Variants in NLRP2 observed in about 807,000 individuals in gnomAD.
NLRP2 encodes the protein NLR family pyrin domain containing 2.
Under a neutral mutation model 97.2 loss-of-function variants are expected in NLRP2, and 107 were observed. That is an observed-to-expected ratio of 1.10 (90% CI 0.94 to 1.29). The LOEUF (loss-of-function observed/expected upper bound fraction) is 1.29. NLRP2 is among the 50% of genes most tolerant of loss of function. The pLI, the probability that NLRP2 is intolerant of heterozygous loss-of-function variation, is 0.00. For missense variants in NLRP2, 1,495 were observed against 1,330.3 expected (o/e 1.12, Z -1.93); for synonymous variants, 663 against 551.5 (o/e 1.20, Z -2.83).
chr19:54,980,063 C>G (rs1021700183), intron 4 of NLRP2, among the ~76,000 whole-genome samples: 2 of 152,144 alleles, frequency 1.3e-5, no homozygotes, highest in African/African-American at 4.8e-5. Context: ...GCGTGAGCCA[C>G]TGTGCCCAGC....
intron 12 of NLRP2, among the ~76,000 whole-genome samples, 167 bp downstream of exon 12, chr19:54,997,654 C>T (rs1314716066): frequency 6.6e-6 from 1 of 151,922 alleles, no homozygotes; most frequent in Non-Finnish European, 1.5e-5. Flanking sequence ...GGGGTTTCAC[C>T]ATGTTGGTCA....
chr19:54,969,980 C>G lies in NLRP2; in HGVS notation c.-17-19C>G. The G allele has an allele frequency of 6.2e-7, 1 of 1,611,778 alleles. No homozygotes were observed. The highest frequency in any genetic ancestry group is 8.5e-7 in the Non-Finnish European group (1 of 1,179,522). On this transcript the variant is annotated intron_variant, in intron 1 of 12. Coordinates refer to ENST00000448584, the MANE Select transcript of NLRP2 (RefSeq NM_017852.5). Reference sequence around the variant, plus strand: ...CTAATCACCATCCCTCTCCACTCCTCCCTTGATTGTCATCACAGCTCCCAC... The same window carrying G: ...CTAATCACCATCCCTCTCCACTCCTGCCTTGATTGTCATCACAGCTCCCAC...
intron 3 of NLRP2, among the ~76,000 whole-genome samples, chr19:54,975,101 G>GTTTTTTTTTTT (rs1190231820): frequency 9.6e-5 from 8 of 83,086 alleles, no homozygotes; most frequent in Admixed American, 1.6e-4. Context: ...ACCACACCCG[G>GTTTTTTTTTTT]TTTTGTTTTT....
At chr19:54,994,521 C>T in intron 11 of NLRP2, 82 bp downstream of exon 11, 1 of 1,441,668 alleles carries the variant, frequency 6.9e-7, no homozygotes. Context: ...GTGAAGCCGA[C>T]TTCCCAAGTT....
Position 55,000,824 on chromosome 19 carries a change from C to T in NLRP2, c.3115C>T (p.Pro1039Ser), listed in dbSNP as rs2073148415. The change falls in exon 13 of 13, where the codon CCA becomes TCA. Residue 1039 changes from proline to serine, a missense_variant. Physicochemically the swap from Pro to Ser is moderately conservative, Grantham distance 74 (BLOSUM62 -1). Transcript: ENST00000448584. ...GCTGGAAGAAATAGAAGAAAAAAACCCACAACTGATTATTGATACTGAGAA... is the reference window on the plus strand; with the variant it reads ...GCTGGAAGAAATAGAAGAAAAAAACTCACAACTGATTATTGATACTGAGAA... ...KLLEEIEEKN[P>S]QLIIDTEKHH... is the part of the protein sequence containing the mutation. 1.2e-6 allele frequency: 2 copies of T among 1,613,320 alleles called. No individual in the cohort carries two copies. Among genetic ancestry groups the T allele is most frequent in the African/African-American group, 2.7e-5 (2 of 74,870 alleles).
chr19:54,966,631 C>T (rs1172673487), intron 1 of NLRP2, among the ~76,000 whole-genome samples, 164 bp downstream of exon 1: 1 of 151,784 alleles, frequency 6.6e-6, no homozygotes, highest in East Asian at 2.0e-4. Flanking sequence ...CTGCAAGCTC[C>T]GCCTCCCGGG....
rs2071084562 is a variant in NLRP2, at chr19:54,974,674, C to CGGAGCTGGTCTCGCA, written c.325+133_325+147dup. ...GGACTTAGCATCCCTGCTCCCAGGG[C>CGGAGCTGGTCTCGCA]GGAGCTGGTCTCGCAGGTGCGTAGC... On this transcript the variant is annotated intron_variant, in intron 3 of 12. Coordinates refer to ENST00000448584, the MANE Select transcript of NLRP2 (RefSeq NM_017852.5). The CGGAGCTGGTCTCGCA allele has an allele frequency of 5.4e-6, 4 of 737,546 alleles. 1 individual carries two copies. Among genetic ancestry groups the CGGAGCTGGTCTCGCA allele is most frequent in the Middle Eastern group, 4.7e-4 (2 of 4,228 alleles). 45.7% of individuals were successfully genotyped at this position (737,546 alleles called of 1,614,324 possible).
chr19:54,981,704 A>C, intron 5 of NLRP2, 22 bp downstream of exon 5: 1 of 1,311,964 alleles, frequency 7.6e-7, no homozygotes, highest in South Asian at 1.2e-5. Flanking sequence ...ATCTTCCTGC[A>C]GGGAGCTTGG....
At chr19:54,996,367 A>G (rs1654505) in intron 11 of NLRP2, among the ~76,000 whole-genome samples, 122,625 of 151,866 alleles carry the variant, frequency 0.81, 49,709 homozygotes, top group East Asian at 0.9. Flanking sequence ...AAAATCAGGC[A>G]GGCATGGTGG....
intron 6 of NLRP2, among the ~76,000 whole-genome samples, chr19:54,984,483 A>ATTTTTTTTTTTTTTT (rs1568505832): frequency 6.5e-5 from 3 of 46,194 alleles, no homozygotes; most frequent in African/African-American, 5.8e-4. Flanking sequence ...TATATTCCCA[A>ATTTTTTTTTTTTTTT]TCTTTTTTTT....
chr19:54,996,935 TCTCA>T (rs2072858840), intron 11 of NLRP2, among the ~76,000 whole-genome samples: 2 of 151,864 alleles, frequency 1.3e-5, no homozygotes, highest in African/African-American at 4.8e-5. Flanking sequence ...GAGACCGGAG[TCTCA>T]CTCTGTCACC....
At chr19:54,986,359 G>T (rs2072087177) in intron 8 of NLRP2, 44 bp downstream of exon 8, 1 of 1,564,954 alleles carries the variant, frequency 6.4e-7, no homozygotes. Context: ...ACAAACATAA[G>T]CTACCACAAG....
intron 12 of NLRP2, among the ~76,000 whole-genome samples, chr19:54,997,743 C>T (rs573761819): frequency 2.2e-4 from 33 of 151,886 alleles, no homozygotes; most frequent in South Asian, 4.2e-4. Context: ...GCGTGAGCAA[C>T]CGCACCCGGC....
rs745654203 is a variant in NLRP2 at position 54,985,138 on chromosome 19, G to T, written c.2122G>T (p.Asp708Tyr). The T allele has an allele frequency of 6.2e-7, 1 of 1,614,128 alleles. No individual in the cohort carries two copies. Reference sequence around the variant, plus strand: ...GGATCTGATGGGTCTAGCAATCAATGATAGCTTTCTCAGTGCCTCCCTAGT... The same window carrying T: ...GGATCTGATGGGTCTAGCAATCAATTATAGCTTTCTCAGTGCCTCCCTAGT... ...NKDLMGLAIN[D>Y]SFLSASLVRI... is the part of the protein sequence containing the mutation. The change falls in exon 7 of 13, where the codon GAT (aspartate) becomes TAT (tyrosine). Residue 708 changes from aspartate to tyrosine, a missense_variant. By Grantham distance (160) the Asp-to-Tyr change is radical. Transcript: ENST00000448584.
chr19:54,981,512 C>CCCCA, intron 4 of NLRP2, 105 bp from the exon 5 acceptor site: 2 of 273,622 alleles, frequency 7.3e-6, no homozygotes, highest in Non-Finnish European at 1.6e-5. Context: ...ATCCCGTGCC[C>CCCCA]CCCCTCCCCC....
intron 1 of NLRP2, among the ~76,000 whole-genome samples, 188 bp from the exon 2 acceptor site, chr19:54,969,811 C>T (rs1183295245): frequency 6.6e-6 from 1 of 152,152 alleles, no homozygotes; most frequent in Non-Finnish European, 1.5e-5. Flanking sequence ...AGGCATGTAC[C>T]ACCACCCACT....
intron 2 of NLRP2, chr19:54,974,208 G>A (rs1357346128): frequency 1.7e-6 from 1 of 581,392 alleles, no homozygotes; most frequent in African/African-American, 1.9e-5. Context: ...ACAAAACTTA[G>A]CTGGGCATGG....
chr19:54,972,506 G>C (rs919198413), intron 2 of NLRP2, among the ~76,000 whole-genome samples: 13 of 151,874 alleles, frequency 8.6e-5, no homozygotes, highest in African/African-American at 3.1e-4. Context: ...ACGGGGTCTC[G>C]TTTTCTTGCT....
intron 10 of NLRP2, among the ~76,000 whole-genome samples, chr19:54,992,613 G>T (rs916536349): frequency 1.5e-5 from 2 of 137,312 alleles, no homozygotes; most frequent in African/African-American, 5.6e-5. Flanking sequence ...CGCCCAGGCT[G>T]GAATGCAGTG....
Sources: gnomAD v4.1 joint callset for allele counts (sites outside exome capture counted in the v4.1 genomes callset) on GRCh38, gnomAD v4.1.1 for gene constraint, MANE v1.5 for transcripts, NCBI Gene and HGNC (gene_info 2026-07-23, HGNC 2026-07-21) for gene names.